CADPS2: variants seen among roughly 807,000 people sequenced by gnomAD.
CADPS2 encodes calcium dependent secretion activator 2.
A neutral mutation model predicts 172.5 loss-of-function variants in CADPS2; 93 were observed. The ratio of observed to expected loss-of-function variants is 0.54; its 90% CI spans 0.46 to 0.64. The LOEUF (loss-of-function observed/expected upper bound fraction) is 0.64. CADPS2 is among the 30% of genes least tolerant of loss of function. The pLI is 0.00. For missense variants in CADPS2, 1,420 were observed against 1,565.9 expected, an observed-to-expected ratio of 0.91 and a Z score of 1.57; for synonymous variants, 546 against 555.2, an observed-to-expected ratio of 0.98 and a Z score of 0.23.
intron 1 of CADPS2, among the ~76,000 whole-genome samples, chr7:122,859,580 T>C (rs1012448711): frequency 2.6e-5 from 4 of 151,868 alleles, no homozygotes; most frequent in African/African-American, 7.3e-5. Context: ...ATAAGAAAAA[T>C]AGAGAATATT....
intron 6 of CADPS2, among the ~76,000 whole-genome samples, chr7:122,599,466 A>C (rs2072412213): frequency 6.6e-6 from 1 of 152,100 alleles, no homozygotes; most frequent in Admixed American, 6.6e-5. Flanking sequence ...TAAATGCCCA[A>C]GTCTCTGGCT....
At chr7:122,418,331 G>A (rs1305662723) in intron 17 of CADPS2, among the ~76,000 whole-genome samples, 1 of 152,176 alleles carries the variant, frequency 6.6e-6, no homozygotes, top group East Asian at 1.9e-4. Flanking sequence ...AAATGCAACA[G>A]CTAAAAAGCA....
intron 12 of CADPS2, among the ~76,000 whole-genome samples, chr7:122,475,019 C>T (rs971732713): frequency 3.9e-5 from 6 of 152,074 alleles, no homozygotes; most frequent in East Asian, 1.9e-4. Context: ...TGGCAATGAG[C>T]GCTCTCAAGC....
At chr7:122,657,966 G>C (rs999567198) in intron 3 of CADPS2, among the ~76,000 whole-genome samples, 14 of 151,922 alleles carry the variant, frequency 9.2e-5, no homozygotes, top group African/African-American at 3.1e-4. Flanking sequence ...TACAGAATGG[G>C]AGAAAATTTT....
At chr7:122,395,955 G>T (rs565014979) in intron 20 of CADPS2, among the ~76,000 whole-genome samples, 1 of 151,954 alleles carries the variant, frequency 6.6e-6, no homozygotes, top group Non-Finnish European at 1.5e-5. Context: ...GATTATAGGC[G>T]CATGCCACCA....
In CADPS2 at chr7:122,650,075, A is replaced by AT. The variant is rs541963427; in HGVS notation, c.786+13161dup. 6.3e-3 allele frequency among the ~76,000 whole-genome samples: 953 copies of AT among 150,370 alleles called. 7 individuals carry two copies. Among genetic ancestry groups the AT allele is most frequent in the African/African-American group, 0.022 (914 of 40,934 alleles). On this transcript the variant is annotated intron_variant, in intron 3 of 29. Coordinates refer to ENST00000449022, the MANE Select transcript of CADPS2 (RefSeq NM_017954.11). ...ATGCGCGTGCCACCACACCTGGCTA[A>AT]TTTTTTTGTATTTTTAGTAGAGACA...
At chr7:122,700,840 A>C (rs1443379541) in intron 2 of CADPS2, among the ~76,000 whole-genome samples, 2 of 152,152 alleles carry the variant, frequency 1.3e-5, no homozygotes, top group African/African-American at 4.8e-5. Flanking sequence ...GGCAAACAAA[A>C]GTGAATGTTT....
In CADPS2 at chr7:122,849,781, C is replaced by T. The variant is rs150952771; in HGVS notation, c.339+36218G>A. The T allele has an allele frequency of 1.1e-3, 548 of 480,718 alleles. 2 individuals are homozygous for T. The highest frequency in any genetic ancestry group is 0.01 in the African/African-American group (501 of 48,772). 29.8% of individuals were successfully genotyped at this position (480,718 alleles called of 1,614,324 possible). A position where few individuals can be genotyped will look rare whatever the true frequency, so the allele number is the denominator to read the frequency against. On this transcript the variant is annotated intron_variant, in intron 1 of 29. Coordinates refer to ENST00000449022, the MANE Select transcript of CADPS2 (RefSeq NM_017954.11). ...CCAGTAAAAACTGTCCCCAAGCCAG[C>T]CCCCAGCCCTCTCCCTTTACATCAT...
chr7:122,808,838 CA>C (rs1274423622), intron 1 of CADPS2, among the ~76,000 whole-genome samples: 2 of 151,842 alleles, frequency 1.3e-5, no homozygotes, highest in African/African-American at 4.8e-5. Flanking sequence ...ATTTTCAGTA[CA>C]AAAAGAAAAG....
At chr7:122,734,022 A>T (rs1417205779) in intron 2 of CADPS2, among the ~76,000 whole-genome samples, 2 of 151,926 alleles carry the variant, frequency 1.3e-5, no homozygotes, top group Non-Finnish European at 2.9e-5. Context: ...ACAGGTTCAA[A>T]ATTCAGATGT....
intron 1 of CADPS2, among the ~76,000 whole-genome samples, chr7:122,800,222 C>G (rs1290515129): frequency 6.6e-6 from 1 of 152,084 alleles, no homozygotes; most frequent in African/African-American, 2.4e-5. Context: ...TTTATTGGTT[C>G]ACAATATAAA....
intron 15 of CADPS2, among the ~76,000 whole-genome samples, chr7:122,446,909 A>AT (rs2052296346): frequency 6.6e-6 from 1 of 151,458 alleles, no homozygotes; most frequent in African/African-American, 2.4e-5. Flanking sequence ...AATCACTTTC[A>AT]TTGCTTTATG....
At chr7:122,640,075 T>C (rs1039980817) in intron 3 of CADPS2, among the ~76,000 whole-genome samples, 2 of 152,156 alleles carry the variant, frequency 1.3e-5, no homozygotes, top group African/African-American at 4.8e-5. Flanking sequence ...CATTCATGAG[T>C]AATGCCGTGT....
chr7:122,832,362 A>G (rs1166681189), intron 1 of CADPS2, among the ~76,000 whole-genome samples: 2 of 152,036 alleles, frequency 1.3e-5, no homozygotes, highest in African/African-American at 2.4e-5. Context: ...AAACTTTTAA[A>G]AAGTGTGAGC....
At chr7:122,857,526 A>T (rs1406071203) in intron 1 of CADPS2, among the ~76,000 whole-genome samples, 2 of 152,202 alleles carry the variant, frequency 1.3e-5, no homozygotes, top group East Asian at 3.9e-4. Context: ...GGGACTTGCA[A>T]TCAAGATCAA....
chr7:122,429,891 T>A (rs1401211161), intron 17 of CADPS2, among the ~76,000 whole-genome samples: 5 of 151,620 alleles, frequency 3.3e-5, no homozygotes, highest in East Asian at 3.9e-4. Flanking sequence ...TTTTTTTTTT[T>A]AATAAACACG....
chr7:122,850,205 A>T (rs1329634889), intron 1 of CADPS2: 5 of 1,106,188 alleles, frequency 4.5e-6, no homozygotes, highest in Non-Finnish European at 2.4e-6. Flanking sequence ...CCCTGAGGCT[A>T]TAACTCGCCA....
chr7:122,766,198 A>C (rs1364102167), intron 1 of CADPS2, among the ~76,000 whole-genome samples: 3 of 152,054 alleles, frequency 2.0e-5, no homozygotes, highest in Non-Finnish European at 4.4e-5. Context: ...GAAAGGCATA[A>C]AAATGTATTC....
intron 14 of CADPS2, among the ~76,000 whole-genome samples, chr7:122,467,289 A>C (rs1428547601): frequency 6.6e-6 from 1 of 152,180 alleles, no homozygotes; most frequent in Non-Finnish European, 1.5e-5. Flanking sequence ...CACATATCTA[A>C]AACTAGAATT....
Sources: allele counts gnomAD v4.1 joint callset (sites outside exome capture counted in the v4.1 genomes callset), GRCh38; gene constraint gnomAD v4.1.1; transcripts MANE v1.5; gene names NCBI Gene and HGNC (gene_info 2026-07-23, HGNC 2026-07-21).